PAN2: variants seen among roughly 807,000 people sequenced by gnomAD.
PAN2 encodes the protein poly(A) specific ribonuclease subunit PAN2, also known as PAN2-PAN3 deadenylation complex catalytic subunit PAN2.
Under a neutral mutation model 133.3 loss-of-function variants are expected in PAN2, and 68 were observed. That is an observed-to-expected ratio of 0.51 (90% CI 0.42 to 0.62). PAN2 has a LOEUF of 0.62. PAN2 is among the 20% of genes least tolerant of loss of function. PAN2 has a pLI of 0.00. For missense variants in PAN2, 1,042 were observed against 1,500.5 expected (o/e 0.69, Z 5.05); for synonymous variants, 462 against 544.6 (o/e 0.85, Z 2.11).
rs772351530 is a variant in PAN2 at position 56,324,682 on chromosome 12, A to T, written c.1627T>A (p.Cys543Ser). Residue 543 changes from cysteine to serine, a missense_variant, in exon 11 of 26, where the codon TGT becomes AGT. Coordinates refer to ENST00000440411, the MANE Select transcript of PAN2 (RefSeq NM_014871.6). Reference protein sequence around the residue: ...QVLYFLEPVRCLIQNHLCQKE... With the variant: ...QVLYFLEPVRSLIQNHLCQKE... The stretch of plus-strand genomic sequence containing the variant: ...TGGCAAAGGTGGTTTTGAATTAGAC[A>T]GCGTACAGGCTCCAGGAAATAGAGC... The T allele has an allele frequency of 3.7e-6, 6 of 1,614,118 alleles. No homozygotes were observed. In the East Asian group the frequency reaches 8.9e-5, roughly 24 times the overall value.
At chr12:56,331,709 T>TTG (rs1555167402) in intron 2 of PAN2, among the ~76,000 whole-genome samples, 2 of 132,464 alleles carry the variant, frequency 1.5e-5, no homozygotes, top group East Asian at 2.2e-4. Context: ...CGTTTTTTTT[T>TTG]TTTTTGTTTT....
chr12:56,322,006 C>A, intron 20 of PAN2, 72 bp downstream of exon 20: 1 of 745,192 alleles, frequency 1.3e-6, no homozygotes, highest in Non-Finnish European at 2.4e-6. Context: ...TACTTGCAAG[C>A]AATGTCCCAG....
intron 8 of PAN2, among the ~76,000 whole-genome samples, chr12:56,325,794 A>G (rs1357782872): frequency 6.6e-6 from 1 of 152,210 alleles, no homozygotes; most frequent in Non-Finnish European, 1.5e-5. Context: ...TTAATCGCTC[A>G]CTACATCCCA....
intron 20 of PAN2, among the ~76,000 whole-genome samples, chr12:56,320,479 T>C (rs973245861): frequency 2.0e-5 from 3 of 150,376 alleles, no homozygotes; most frequent in Non-Finnish European, 1.5e-5. Flanking sequence ...CTCTACTAAT[T>C]AGACACAAAA....
rs1224666474 is a variant in PAN2 at position 56,317,502 on chromosome 12, T to C, written c.*107A>G. 1 of 868,538 alleles carries C rather than the reference T, an allele frequency of 1.2e-6. No individual in the cohort carries two copies. The highest frequency in any genetic ancestry group is 1.6e-5 in the African/African-American group (1 of 60,840). 53.8% of individuals were successfully genotyped at this position (868,538 alleles called of 1,614,324 possible). A position where few individuals can be genotyped will look rare whatever the true frequency, so the allele number is the denominator to read the frequency against. On this transcript the variant is annotated 3_prime_UTR_variant, in exon 26 of 26. Coordinates refer to ENST00000440411, the MANE Select transcript of PAN2 (RefSeq NM_014871.6). ...TCTGTGACCCTAGACCCTGAGCACG[T>C]CCAGTACTGGAAGTGGACAAGGTAT... is the stretch of plus-strand genomic sequence containing the variant.
chr12:56,320,030 G>A lies in PAN2; in HGVS notation c.2789-9C>T, dbSNP rs749638774. The A allele has an allele frequency of 5.0e-6, 8 of 1,614,062 alleles. No individual in the cohort carries two copies. In the Admixed American group the frequency reaches 1.3e-4, roughly 27 times the overall value. On this transcript the variant is annotated splice_polypyrimidine_tract_variant and intron_variant, in intron 20 of 25. Coordinates refer to ENST00000440411, the MANE Select transcript of PAN2 (RefSeq NM_014871.6). The stretch of plus-strand genomic sequence containing the variant: ...CTCAATAGGGTTCTTGACTAGAAGG[G>A]AGAATGCAGAGGACACAGGGCTTGG...
chr12:56,332,519 C>A (rs545177853), intron 2 of PAN2, among the ~76,000 whole-genome samples: 1 of 149,200 alleles, frequency 6.7e-6, no homozygotes, highest in East Asian at 2.0e-4. Context: ...TGTGTGAGCC[C>A]AGGAGATTGA....
Position 56,325,051 on chromosome 12 carries a change from T to C in PAN2, c.1557A>G (p.Leu519=), listed in dbSNP as rs1476059455. The C allele has an allele frequency of 6.2e-7, 1 of 1,614,050 alleles. No homozygotes were observed. Among genetic ancestry groups the C allele is most frequent in the Non-Finnish European group, 8.5e-7 (1 of 1,179,890 alleles). The part of the protein sequence containing the change: ...KHYNKTLFAG[L]EPHIPNAYCN... ...AGTAGGCGTTGGGAATGTGGGGCTC[T>C]AATCCAGCAAACAAGGTCTTATTGT... Residue 519 remains leucine, a synonymous_variant, in exon 10 of 26, where the codon TTA becomes TTG. Coordinates refer to ENST00000440411, the MANE Select transcript of PAN2 (RefSeq NM_014871.6).
At chr12:56,330,520 C>T (rs372861968) in intron 2 of PAN2, among the ~76,000 whole-genome samples, 3 of 150,768 alleles carry the variant, frequency 2.0e-5, no homozygotes, top group South Asian at 2.1e-4. Context: ...CCACTACGCC[C>T]GGCTAATTTT....
intron 2 of PAN2, among the ~76,000 whole-genome samples, chr12:56,330,891 C>T (rs1442583198): frequency 6.6e-6 from 1 of 152,028 alleles, no homozygotes; most frequent in Non-Finnish European, 1.5e-5. Context: ...CTCTGCCTCC[C>T]AGGTTCAAGC....
At position 56,325,026 on chromosome 12, in the gene PAN2, A is replaced by G; in HGVS notation, c.1582T>C (p.Cys528Arg). ...ACCCTTACCTGGATCATGCAGTTAC[A>G]GTAGGCGTTGGGAATGTGGGGCTCT... ...GLEPHIPNAY[C>R]NCMIQVLYFL... is the part of the protein sequence containing the mutation. The change falls in exon 10 of 26, where the codon TGT (cysteine) becomes CGT (arginine). Residue 528 changes from cysteine (C) to arginine (R), a missense_variant. By Grantham distance (180) the Cys-to-Arg change is radical (BLOSUM62 -3). This residue lies in a region of PAN2 where 908 missense variants were observed against 1,223.5 expected (regional missense o/e 0.74). Transcript: ENST00000440411. 6.2e-7 allele frequency: 1 copy of G among 1,614,174 alleles called. No homozygotes were observed. The highest frequency in any genetic ancestry group is 8.5e-7 in the Non-Finnish European group (1 of 1,180,002).
In PAN2 at chr12:56,319,812, C is replaced by G; in HGVS notation, c.2947-48G>C. On this transcript the variant is annotated intron_variant, in intron 21 of 25. Transcript: ENST00000440411. The surrounding 1 kb of genome is among the most constrained non-coding windows in gnomAD (Gnocchi z 5.4). ...GAAATCAGAGAAATGCTTACAACTCCTAATATCCTCAGCGTTCTCTTCCAA... is the reference window on the plus strand; with the variant it reads ...GAAATCAGAGAAATGCTTACAACTCGTAATATCCTCAGCGTTCTCTTCCAA... The G allele has an allele frequency of 6.2e-7, 1 of 1,613,260 alleles. No individual in the cohort carries two copies. The highest frequency in any genetic ancestry group is 1.1e-5 in the South Asian group (1 of 91,004).
intron 1 of PAN2, 113 bp from the exon 2 acceptor site, chr12:56,333,321 C>A: frequency 1.8e-6 from 1 of 560,766 alleles, no homozygotes; most frequent in South Asian, 2.2e-5. Flanking sequence ...GATGAGACTG[C>A]CAGCCAAAGG....
At position 56,322,110 on chromosome 12, in the gene PAN2, T is replaced by C. The variant is rs374080708; in HGVS notation, c.2756A>G (p.Lys919Arg). 17 of 1,609,346 alleles carry C rather than the reference T, an allele frequency of 1.1e-5. No homozygotes were observed. The highest frequency in any genetic ancestry group is 1.4e-5 in the Non-Finnish European group (16 of 1,175,770). ...WKVPAILYYV[K>R]RNLNSRYNLN... is the part of the protein sequence containing the mutation. ...GTTGTATCTGGAATTGAGATTCCGT[T>C]TGACATAATAAAGGATTGCAGGTAC... is the stretch of plus-strand genomic sequence containing the variant. Residue 919 changes from lysine (K) to arginine (R), a missense_variant, in exon 20 of 26, where the codon AAA becomes AGA. By Grantham distance (26) the Lys-to-Arg change is conservative. Around this residue, in one of 3 missense-constraint regions of PAN2, gnomAD observed 908 missense variants for 1,223.5 expected, o/e 0.74. Coordinates refer to ENST00000440411, the MANE Select transcript of PAN2 (RefSeq NM_014871.6).
chr12:56,331,991 G>C (rs1875930439), intron 2 of PAN2, among the ~76,000 whole-genome samples: 2 of 152,230 alleles, frequency 1.3e-5, no homozygotes, highest in South Asian at 4.1e-4. Context: ...GGGATTACAG[G>C]AGTGAGCCAC....
intron 19 of PAN2, 91 bp from the exon 20 acceptor site, chr12:56,322,259 TTTTG>T: frequency 9.3e-7 from 1 of 1,072,548 alleles, no homozygotes; most frequent in South Asian, 1.4e-5. Context: ...AGGTGCTAGT[TTTTG>T]TTTTTTTTCA....
chr12:56,324,876 C>T, intron 10 of PAN2, 133 bp downstream of exon 10: 1 of 1,379,194 alleles, frequency 7.3e-7, no homozygotes. Context: ...GTTGTAGAGG[C>T]AAGAAAGAAT....
At chr12:56,325,249 G>T in intron 9 of PAN2, 86 bp downstream of exon 9, 1 of 1,582,660 alleles carries the variant, frequency 6.3e-7, no homozygotes, top group South Asian at 1.2e-5. Flanking sequence ...AAGGCCTCCT[G>T]ACTGAGTCCT....
rs774862616 is a variant in PAN2 at position 56,319,185 on chromosome 12, G to A, written c.3271-4C>T. The A allele has an allele frequency of 9.3e-6, 15 of 1,613,972 alleles. No homozygotes were observed. In the Admixed American group the frequency reaches 2.3e-4, roughly 25 times the overall value. On this transcript the variant is annotated splice_region_variant and splice_polypyrimidine_tract_variant and intron_variant, in intron 23 of 25. Transcript: ENST00000440411. The surrounding 1 kb of genome is among the most constrained non-coding windows in gnomAD (Gnocchi z 5.4). The stretch of plus-strand genomic sequence containing the variant: ...CAAGGACTTGGTCCTTGGGCACCTG[G>A]CAAGGATAAAAGAGGGGGAGACTTA...
Sources: gnomAD v4.1 joint callset for allele counts (sites outside exome capture counted in the v4.1 genomes callset) on GRCh38, gnomAD v4.1.1 for gene constraint, gnomAD v4.1.1 regional missense constraint, Gnocchi (gnomAD v3.1) non-coding constraint, MANE v1.5 for transcripts, NCBI Gene and HGNC (gene_info 2026-07-23, HGNC 2026-07-21) for gene names.